CDKAL1: variants seen among roughly 807,000 people sequenced by gnomAD.
The protein encoded by CDKAL1 is threonylcarbamoyladenosine tRNA methylthiotransferase.
Under a neutral mutation model 68.2 loss-of-function variants are expected in CDKAL1, and 32 were observed. That is an observed-to-expected ratio of 0.47 (90% CI 0.35 to 0.63). The LOEUF is 0.63. CDKAL1 is among the 30% of genes least tolerant of loss of function. The probability of loss-of-function intolerance (pLI) is 0.00; values close to 1 mark genes in which losing one functional copy is unlikely to be tolerated. For synonymous variants in CDKAL1, 234 were observed against 244.3 expected, an observed-to-expected ratio of 0.96 and a Z score of 0.39; for missense variants, 606 against 696.7, an observed-to-expected ratio of 0.87 and a Z score of 1.47.
intron 5 of CDKAL1, among the ~76,000 whole-genome samples, chr6:20,704,685 A>G (rs562549792): frequency 1.3e-5 from 2 of 152,316 alleles, no homozygotes; most frequent in Admixed American, 6.5e-5. Context: ...GAAAACAAGG[A>G]TATATGGAAG....
chr6:20,613,046 A>AC (rs1561966453), intron 4 of CDKAL1, among the ~76,000 whole-genome samples: 5 of 127,656 alleles, frequency 3.9e-5, no homozygotes, highest in East Asian at 4.7e-4. Context: ...CACACACACA[A>AC]AGGGTATGGA....
intron 6 of CDKAL1, among the ~76,000 whole-genome samples, chr6:20,743,772 G>A (rs1773554856): frequency 2.0e-5 from 3 of 152,270 alleles, no homozygotes; most frequent in Admixed American, 6.5e-5. Context: ...CTCTGGCTTT[G>A]GTGGCTGTAA....
At chr6:21,069,118 C>A (rs1373280872) in intron 12 of CDKAL1, among the ~76,000 whole-genome samples, 1 of 152,054 alleles carries the variant, frequency 6.6e-6, no homozygotes, top group Non-Finnish European at 1.5e-5. Context: ...ATCTGATAGT[C>A]ATAGTTTTAA....
intron 5 of CDKAL1, among the ~76,000 whole-genome samples, chr6:20,733,001 T>G (rs1254687934): frequency 6.6e-6 from 1 of 152,182 alleles, no homozygotes; most frequent in Non-Finnish European, 1.5e-5. Flanking sequence ...GTAAAGCAGA[T>G]GGAAACACAG....
At chr6:20,639,046 G>T (rs975901592) in intron 4 of CDKAL1, among the ~76,000 whole-genome samples, 2 of 152,168 alleles carry the variant, frequency 1.3e-5, no homozygotes, top group African/African-American at 4.8e-5. Flanking sequence ...TACATGGTAA[G>T]TACAACGTCT....
At chr6:20,894,755 C>G (rs1761589055) in intron 9 of CDKAL1, among the ~76,000 whole-genome samples, 1 of 152,094 alleles carries the variant, frequency 6.6e-6, no homozygotes, top group Non-Finnish European at 1.5e-5. Flanking sequence ...ACCTGCAATC[C>G]TCAGCACTTT....
intron 9 of CDKAL1, among the ~76,000 whole-genome samples, chr6:20,926,474 T>A (rs1334718303): frequency 2.0e-5 from 3 of 151,852 alleles, no homozygotes; most frequent in Non-Finnish European, 4.4e-5. Context: ...AATCAAAAGA[T>A]TAGGAGTTAC....
At chr6:21,203,705 T>TC in intron 15 of CDKAL1, among the ~76,000 whole-genome samples, 1 of 146,618 alleles carries the variant, frequency 6.8e-6, no homozygotes, top group East Asian at 2.0e-4. Context: ...TTTTTTTTTT[T>TC]TTTTTTTTTT....
chr6:20,760,367 A>G (rs1774409922), intron 7 of CDKAL1, among the ~76,000 whole-genome samples: 1 of 152,226 alleles, frequency 6.6e-6, no homozygotes, highest in African/African-American at 2.4e-5. Flanking sequence ...TTTACAAACT[A>G]CTTCAACTCC....
chr6:20,635,666 C>T (rs1001833906), intron 4 of CDKAL1, among the ~76,000 whole-genome samples: 2 of 152,168 alleles, frequency 1.3e-5, no homozygotes, highest in Admixed American at 6.5e-5. Context: ...ACCTGTACCA[C>T]CTCTTCTAGT....
At chr6:20,595,498 T>G (rs759020833) in intron 4 of CDKAL1, among the ~76,000 whole-genome samples, 8 of 152,148 alleles carry the variant, frequency 5.3e-5, no homozygotes, top group Non-Finnish European at 1.0e-4. Context: ...CTTGAAATTC[T>G]CATGCTGTGT....
chr6:20,909,989 C>T (rs1337013858), intron 9 of CDKAL1, among the ~76,000 whole-genome samples: 2 of 152,198 alleles, frequency 1.3e-5, no homozygotes, highest in Non-Finnish European at 2.9e-5. Flanking sequence ...GTTATCTAGT[C>T]ATTTCTCCTA....
At chr6:20,600,800 A>T (rs1465763858) in intron 4 of CDKAL1, among the ~76,000 whole-genome samples, 1 of 149,456 alleles carries the variant, frequency 6.7e-6, no homozygotes, top group Non-Finnish European at 1.5e-5. Context: ...ACACACACAC[A>T]TGAATGATAA....
intron 10 of CDKAL1, among the ~76,000 whole-genome samples, chr6:20,997,351 A>T (rs1767175033): frequency 6.6e-6 from 1 of 152,200 alleles, no homozygotes; most frequent in Admixed American, 6.5e-5. Flanking sequence ...CAAAAAATAC[A>T]TACTTTGTCT....
At chr6:20,592,468 CTTTTT>C (rs34023799) in intron 4 of CDKAL1, among the ~76,000 whole-genome samples, 1 of 130,442 alleles carries the variant, frequency 7.7e-6, no homozygotes, top group Non-Finnish European at 1.6e-5. Context: ...ATGCTTCCAG[CTTTTT>C]TTTTTTTTTT....
At chr6:20,763,374 G>T (rs1001929241) in intron 7 of CDKAL1, among the ~76,000 whole-genome samples, 2 of 152,060 alleles carry the variant, frequency 1.3e-5, no homozygotes, top group Non-Finnish European at 2.9e-5. Context: ...TCAGAGTACC[G>T]CATTGTCTGT....
chr6:20,733,595 T>C (rs1773055675), intron 5 of CDKAL1, among the ~76,000 whole-genome samples: 1 of 152,254 alleles, frequency 6.6e-6, no homozygotes, highest in South Asian at 2.1e-4. Flanking sequence ...TTTGTGCAAA[T>C]GAAGGATTGA....
chr6:20,901,412 C>T (rs1227420737), intron 9 of CDKAL1, among the ~76,000 whole-genome samples: 1 of 151,954 alleles, frequency 6.6e-6, no homozygotes, highest in Non-Finnish European at 1.5e-5. Flanking sequence ...CTGTGGCTCA[C>T]ACCTGTAATC....
intron 6 of CDKAL1, among the ~76,000 whole-genome samples, chr6:20,754,020 C>A (rs1774057122): frequency 6.6e-6 from 1 of 151,806 alleles, no homozygotes; most frequent in African/African-American, 2.4e-5. Context: ...CACTCTGTCA[C>A]CTACGCTGGA....
Sources: allele counts gnomAD v4.1 joint callset (sites outside exome capture counted in the v4.1 genomes callset), GRCh38; gene constraint gnomAD v4.1.1; transcripts MANE v1.5; gene names NCBI Gene and HGNC (gene_info 2026-07-23, HGNC 2026-07-21).